LSM14A: variants seen among roughly 807,000 people sequenced by gnomAD.
LSM14A encodes protein LSM14 homolog A.
A neutral mutation model predicts 52.4 loss-of-function variants in LSM14A; 14 were observed. The observed-to-expected ratio is 0.27, with a 90% CI of 0.18 to 0.42. The LOEUF (loss-of-function observed/expected upper bound fraction) is 0.42, where lower values mean the gene tolerates loss of function less well. LSM14A is among the 10% of genes least tolerant of loss of function. The pLI, the probability that LSM14A is intolerant of heterozygous loss-of-function variation, is 1.00. For missense variants in LSM14A, 417 were observed against 581.8 expected, an observed-to-expected ratio of 0.72 and a Z score of 2.91; for synonymous variants, 185 against 200.3, an observed-to-expected ratio of 0.92 and a Z score of 0.64.
At chr19:34,199,205 A>C (rs578226343) in intron 3 of LSM14A, among the ~76,000 whole-genome samples, 3 of 151,478 alleles carry the variant, frequency 2.0e-5, no homozygotes, top group Non-Finnish European at 4.4e-5. Context: ...GCTCATTGCA[A>C]CCTCCGCCTC....
At chr19:34,218,358 C>T (rs10417061) in intron 6 of LSM14A, among the ~76,000 whole-genome samples, 56,848 of 151,828 alleles carry the variant, frequency 0.37, 11,395 homozygotes, top group African/African-American at 0.49. Context: ...GGCTTGTGGC[C>T]GAGGCATTTT....
Position 34,196,798 on chromosome 19 carries a change from G to A in LSM14A, c.415+35G>A, listed in dbSNP as rs369073524. On this transcript the variant is annotated intron_variant, in intron 3 of 9. Coordinates refer to ENST00000544216, the MANE Select transcript of LSM14A (RefSeq NM_015578.4). ...CTTTTTCTTTTCTTTTTTTGTTTTT[G>A]TATTCTTCCTTTCTTTACCACAAAG... is the stretch of plus-strand genomic sequence containing the variant. The A allele has an allele frequency of 1.3e-5, 21 of 1,560,742 alleles. No homozygotes were observed. The African/African-American group carries it at 2.3e-4, about 17-fold the overall frequency.
At chr19:34,210,973 T>C (rs1181867077) in intron 4 of LSM14A, among the ~76,000 whole-genome samples, 1 of 152,096 alleles carries the variant, frequency 6.6e-6, no homozygotes, top group African/African-American at 2.4e-5. Context: ...GGAACTTAAA[T>C]TAGGCACAGG....
At chr19:34,194,437 A>G (rs905128604) in intron 1 of LSM14A, 41 bp from the exon 2 acceptor site, 18 of 1,566,652 alleles carry the variant, frequency 1.1e-5, no homozygotes, top group Non-Finnish European at 1.5e-5. Flanking sequence ...CCTGAATGTG[A>G]TGAGTAGTCA....
chr19:34,210,339 G>A (rs1401472984), intron 4 of LSM14A, among the ~76,000 whole-genome samples: 2 of 150,926 alleles, frequency 1.3e-5, no homozygotes, highest in Non-Finnish European at 1.5e-5. Flanking sequence ...GCACAATCTC[G>A]GCTCACTGCA....
chr19:34,203,802 C>CAAA (rs4012715), intron 3 of LSM14A, among the ~76,000 whole-genome samples: 1 of 131,154 alleles, frequency 7.6e-6, no homozygotes, highest in African/African-American at 2.7e-5. Flanking sequence ...GACCCTGTCT[C>CAAA]AAAAAAAAAA....
In LSM14A at chr19:34,221,511, C is replaced by T. The variant is rs1325896625; in HGVS notation, c.1141C>T (p.Arg381Trp). The change falls in exon 9 of 10, where the codon CGG becomes TGG. Residue 381 changes from arginine to tryptophan, a missense_variant. By Grantham distance (101) the Arg-to-Trp change is moderately radical (BLOSUM62 -3). Coordinates refer to ENST00000544216, the MANE Select transcript of LSM14A (RefSeq NM_015578.4). ...DNISCDDNRE[R>W]RPTWAEERRL... ...GATTATTTGCTTTTATAATAGAGAACGGAGACCAACCTGGGCTGAAGAAAG... is the reference window on the plus strand; with the variant it reads ...GATTATTTGCTTTTATAATAGAGAATGGAGACCAACCTGGGCTGAAGAAAG... 3.7e-6 allele frequency: 6 copies of T among 1,612,840 alleles called. No individual in the cohort carries two copies. The highest frequency in any genetic ancestry group is 5.1e-6 in the Non-Finnish European group (6 of 1,179,748).
chr19:34,225,557 T>C (rs1201450899), intron 9 of LSM14A, among the ~76,000 whole-genome samples: 1 of 152,172 alleles, frequency 6.6e-6, no homozygotes, highest in Non-Finnish European at 1.5e-5. Context: ...ATAAATGAGC[T>C]TGGTTGTTTA....
intron 1 of LSM14A, among the ~76,000 whole-genome samples, chr19:34,184,348 C>T (rs2069730446): frequency 6.6e-6 from 1 of 152,156 alleles, no homozygotes; most frequent in Non-Finnish European, 1.5e-5. Context: ...CCACTGCGCC[C>T]AGCCTTTCCT....
chr19:34,206,049 A>C (rs2071675044), intron 3 of LSM14A, among the ~76,000 whole-genome samples: 1 of 152,220 alleles, frequency 6.6e-6, no homozygotes, highest in South Asian at 2.1e-4. Flanking sequence ...CTTGAAAAAT[A>C]GCAAACCAAC....
chr19:34,200,920 ACTT>A (rs1324735723), intron 3 of LSM14A, among the ~76,000 whole-genome samples: 3 of 152,164 alleles, frequency 2.0e-5, no homozygotes, highest in East Asian at 3.9e-4. Context: ...TCATCATTAT[ACTT>A]CTTATGTTAC....
At chr19:34,224,999 A>G (rs1236386825) in intron 9 of LSM14A, among the ~76,000 whole-genome samples, 2 of 152,194 alleles carry the variant, frequency 1.3e-5, no homozygotes, top group African/African-American at 4.8e-5. Context: ...ACCTGTGGCT[A>G]TCTGCTTTCT....
intron 3 of LSM14A, among the ~76,000 whole-genome samples, chr19:34,206,302 T>C (rs2071690688): frequency 6.6e-6 from 1 of 150,816 alleles, no homozygotes; most frequent in Admixed American, 6.6e-5. Flanking sequence ...GCCCAGGAGT[T>C]CAAGGCTGCA....
chr19:34,221,081 CT>C (rs34608536), intron 8 of LSM14A, among the ~76,000 whole-genome samples: 31,682 of 124,400 alleles, frequency 0.25, 2,874 homozygotes, highest in African/African-American at 0.31. Context: ...AGATAAGATG[CT>C]TTTTTTTTTT....
chr19:34,206,169 C>G (rs1181162181), intron 3 of LSM14A, among the ~76,000 whole-genome samples: 2 of 152,160 alleles, frequency 1.3e-5, no homozygotes, highest in African/African-American at 4.8e-5. Flanking sequence ...TTACATTCTA[C>G]CAAACATTTA....
intron 9 of LSM14A, among the ~76,000 whole-genome samples, chr19:34,226,218 G>A (rs1478426678): frequency 6.6e-6 from 1 of 152,072 alleles, no homozygotes; most frequent in Non-Finnish European, 1.5e-5. Flanking sequence ...TGCTGTCAGG[G>A]AGGTTAAGCC....
rs747072103 is a variant in LSM14A, at chr19:34,186,739, A to AT, written c.122-7738dup. Among the ~76,000 whole-genome samples the AT allele has an allele frequency of 7.9e-5, 12 of 152,316 alleles. No homozygotes were observed. In the East Asian group the frequency reaches 2.3e-3, roughly 29 times the overall value. On this transcript the variant is annotated intron_variant, in intron 1 of 9. Coordinates refer to ENST00000544216, the MANE Select transcript of LSM14A (RefSeq NM_015578.4). ...ATGCTGGGACCAGGTCTTGGAGCTG[A>AT]TACAGGACTGAAGAGTTTTAACTTT...
intron 3 of LSM14A, among the ~76,000 whole-genome samples, chr19:34,199,601 G>T (rs2071141494): frequency 6.6e-6 from 1 of 152,102 alleles, no homozygotes; most frequent in Non-Finnish European, 1.5e-5. Context: ...TATGTGTATG[G>T]ACTCATTTTT....
intron 6 of LSM14A, among the ~76,000 whole-genome samples, chr19:34,218,091 C>T (rs2072796613): frequency 1.3e-5 from 2 of 150,788 alleles, no homozygotes; most frequent in South Asian, 2.1e-4. Flanking sequence ...GCAGCCTTTG[C>T]CTCCCGGGTT....
Sources: allele counts gnomAD v4.1 joint callset (sites outside exome capture counted in the v4.1 genomes callset), GRCh38; gene constraint gnomAD v4.1.1; transcripts MANE v1.5; gene names NCBI Gene and HGNC (gene_info 2026-07-23, HGNC 2026-07-21).